The following CELF4 variants were observed in gnomAD, a reference collection of about 807,000 sequenced individuals.
CELF4 encodes the protein CUGBP Elav-like family member 4.
A neutral mutation model predicts 59.9 loss-of-function variants in CELF4; 18 were observed. The observed-to-expected ratio is 0.30, with a 90% confidence interval of 0.21 to 0.45. The LOEUF (loss-of-function observed/expected upper bound fraction) is 0.45. CELF4 is among the 20% of genes least tolerant of loss of function. CELF4 has a pLI of 1.00. For missense variants in CELF4, 456 were observed against 689.0 expected, an observed-to-expected ratio of 0.66 and a Z score of 3.79; for synonymous variants, 261 against 267.1, an observed-to-expected ratio of 0.98 and a Z score of 0.22.
intron 1 of CELF4, among the ~76,000 whole-genome samples, chr18:37,559,968 G>A (rs1381972540): frequency 6.6e-6 from 1 of 152,070 alleles, no homozygotes; most frequent in African/African-American, 2.4e-5. Context: ...TTTTTCCTTT[G>A]CGTTGTTTTA....
At chr18:37,460,910 G>C (rs913551388) in intron 2 of CELF4, among the ~76,000 whole-genome samples, 3 of 152,152 alleles carry the variant, frequency 2.0e-5, no homozygotes, top group African/African-American at 7.2e-5. Context: ...TATGGGAAAG[G>C]AAAAAACCTG....
intron 2 of CELF4, among the ~76,000 whole-genome samples, chr18:37,331,811 G>A (rs147004878): frequency 4.5e-4 from 69 of 152,178 alleles, no homozygotes; most frequent in African/African-American, 1.6e-3. Flanking sequence ...GGGCCAGTGG[G>A]GTGTGAAAGG....
At chr18:37,342,040 G>A (rs2098065863) in intron 2 of CELF4, among the ~76,000 whole-genome samples, 1 of 152,162 alleles carries the variant, frequency 6.6e-6, no homozygotes, top group South Asian at 2.1e-4. Flanking sequence ...GCGTGTGTGT[G>A]TGTCCCAATC....
chr18:37,451,749 G>C (rs534364039), intron 2 of CELF4, among the ~76,000 whole-genome samples: 10 of 152,290 alleles, frequency 6.6e-5, no homozygotes, highest in Non-Finnish European at 1.3e-4. Context: ...GTGGGACAGC[G>C]CTGAGCGGCC....
At chr18:37,378,795 G>A (rs369139834) in intron 2 of CELF4, among the ~76,000 whole-genome samples, 1 of 152,308 alleles carries the variant, frequency 6.6e-6, no homozygotes, top group South Asian at 2.1e-4. Context: ...GTAGCTGTGG[G>A]GGTGCACTGC....
chr18:37,274,498 C>T, intron 5 of CELF4, 44 bp from the exon 6 acceptor site: 1 of 1,609,084 alleles, frequency 6.2e-7, no homozygotes. Flanking sequence ...TCCAGAGCCT[C>T]CGCCCGCAGC....
Position 37,526,657 on chromosome 18 carries a change from A to G in CELF4, c.286+38699T>C, listed in dbSNP as rs1001163932. Among the ~76,000 whole-genome samples, 13 of 152,282 alleles carry G rather than the reference A, an allele frequency of 8.5e-5. No individual in the cohort carries two copies. The East Asian group carries it at 1.9e-3, about 23-fold the overall frequency. ...GCAGAGAAGCTCCTGTCATACCACA[A>G]CCTGCCTCAGGATCATGTTAGGTTT... On this transcript the variant is annotated intron_variant, in intron 1 of 12. Transcript: ENST00000420428.
chr18:37,544,708 G>C (rs1453287976), intron 1 of CELF4, among the ~76,000 whole-genome samples: 1 of 152,220 alleles, frequency 6.6e-6, no homozygotes, highest in African/African-American at 2.4e-5. Context: ...AGACATGTCT[G>C]TTATGACAGT....
intron 2 of CELF4, among the ~76,000 whole-genome samples, chr18:37,359,368 G>C (rs780767002): frequency 3.2e-4 from 48 of 152,220 alleles, no homozygotes; most frequent in Middle Eastern, 3.4e-3. Context: ...TTTTTTAAGG[G>C]TCTCACTCTG....
intron 2 of CELF4, among the ~76,000 whole-genome samples, chr18:37,475,820 C>T (rs2099847284): frequency 6.6e-6 from 1 of 152,202 alleles, no homozygotes; most frequent in Non-Finnish European, 1.5e-5. Flanking sequence ...AAAATTCACA[C>T]TGACCTGGCT....
intron 10 of CELF4, among the ~76,000 whole-genome samples, chr18:37,259,611 G>A (rs1349147869): frequency 6.6e-6 from 1 of 152,176 alleles, no homozygotes; most frequent in Non-Finnish European, 1.5e-5. Flanking sequence ...GCTGAAGATA[G>A]GGAAGGCCCA....
intron 2 of CELF4, among the ~76,000 whole-genome samples, chr18:37,391,563 A>G (rs1053964861): frequency 3.9e-5 from 6 of 152,174 alleles, no homozygotes; most frequent in East Asian, 1.9e-4. Context: ...CATTGCCATG[A>G]TCTGTTCATG....
chr18:37,250,988 A>G (rs1276075227), intron 12 of CELF4, among the ~76,000 whole-genome samples: 2 of 152,042 alleles, frequency 1.3e-5, no homozygotes. Context: ...CAGGACATTC[A>G]GGGTACTCTG....
At position 37,254,728 on chromosome 18, in the gene CELF4, G is replaced by A. The variant is rs368102785; in HGVS notation, c.1334-790C>T. Among the ~76,000 whole-genome samples the A allele has an allele frequency of 1.3e-4, 20 of 152,248 alleles. No homozygotes were observed. The highest frequency in any genetic ancestry group is 4.3e-4 in the African/African-American group (18 of 41,472). On this transcript the variant is annotated intron_variant, in intron 11 of 12. Transcript: ENST00000420428. The surrounding 1 kb of genome is among the most constrained non-coding windows in gnomAD (Gnocchi z 5.1). ...CTCCGTGCAGAAGCGCTTCCCACGC[G>A]TTCACTCCTGTGCCCAGATGGCATG...
At chr18:37,484,315 G>A (rs936744934) in intron 2 of CELF4, among the ~76,000 whole-genome samples, 1 of 152,128 alleles carries the variant, frequency 6.6e-6, no homozygotes, top group Admixed American at 6.5e-5. Context: ...TATTTCTGCC[G>A]TCTTACAGAG....
intron 2 of CELF4, among the ~76,000 whole-genome samples, chr18:37,474,814 A>AC (rs1225149369): frequency 6.6e-6 from 1 of 151,994 alleles, no homozygotes; most frequent in African/African-American, 2.4e-5. Context: ...CCTGCCCATG[A>AC]CCCCTTCTCT....
rs150579233 is a variant in CELF4, at chr18:37,506,577, G to T, written c.287-20970C>A. 5.1e-3 allele frequency among the ~76,000 whole-genome samples: 779 copies of T among 152,298 alleles called. 3 individuals are homozygous for T. The highest frequency in any genetic ancestry group is 0.02 in the Middle Eastern group (6 of 294). Reference sequence around the variant, plus strand: ...GAGGGAGGTTGGGCAAACTGGAAGGGTCTCCTGCGGTCACATGGGCCTGGT... The same window carrying T: ...GAGGGAGGTTGGGCAAACTGGAAGGTTCTCCTGCGGTCACATGGGCCTGGT... On this transcript the variant is annotated intron_variant, in intron 1 of 12. Transcript: ENST00000420428.
intron 3 of CELF4, among the ~76,000 whole-genome samples, chr18:37,298,734 A>G (rs2095825748): frequency 1.3e-5 from 2 of 151,714 alleles, no homozygotes; most frequent in African/African-American, 4.8e-5. Context: ...CAAAAAAAAA[A>G]AAAAAAAATC....
At chr18:37,303,421 A>C (rs2096202169) in intron 3 of CELF4, among the ~76,000 whole-genome samples, 1 of 152,208 alleles carries the variant, frequency 6.6e-6, no homozygotes, top group South Asian at 2.1e-4. Context: ...AAGGGTTTAA[A>C]GACATTTTGA....
Sources: allele counts gnomAD v4.1 joint callset (sites outside exome capture counted in the v4.1 genomes callset), GRCh38; gene constraint gnomAD v4.1.1; non-coding constraint Gnocchi (gnomAD v3.1); transcripts MANE v1.5; gene names NCBI Gene and HGNC (gene_info 2026-07-23, HGNC 2026-07-21).